The following JAZF1 variants were observed in gnomAD, a reference collection of about 807,000 sequenced individuals.
JAZF1 encodes JAZF zinc finger 1.
A neutral mutation model predicts 26.4 loss-of-function variants in JAZF1; 8 were observed. The ratio of observed to expected loss-of-function variants is 0.30; its 90% CI spans 0.18 to 0.55. The LOEUF (loss-of-function observed/expected upper bound fraction) is 0.55, where lower values mean the gene tolerates loss of function less well. JAZF1 is among the 20% of genes least tolerant of loss of function. JAZF1 has a pLI of 0.94. For missense variants in JAZF1, 199 were observed against 322.0 expected (o/e 0.62, Z 2.92); for synonymous variants, 126 against 122.3 (o/e 1.03, Z -0.20).
At chr7:27,890,386 G>A (rs943299711) in intron 3 of JAZF1, among the ~76,000 whole-genome samples, 2 of 152,180 alleles carry the variant, frequency 1.3e-5, no homozygotes, top group African/African-American at 4.8e-5. Context: ...CTGTTTGAAT[G>A]GTAGAGCTGT....
intron 1 of JAZF1, among the ~76,000 whole-genome samples, chr7:28,040,341 A>G (rs1417261193): frequency 6.6e-6 from 1 of 152,240 alleles, no homozygotes; most frequent in African/African-American, 2.4e-5. Context: ...GTTCTTGTGC[A>G]GTTTACAATC....
At chr7:27,839,328 G>A (rs572610176) in intron 4 of JAZF1, among the ~76,000 whole-genome samples, 1 of 152,320 alleles carries the variant, frequency 6.6e-6, no homozygotes, top group African/African-American at 2.4e-5. Context: ...GAGACGCGGT[G>A]GGAACCAGCC....
chr7:27,876,351 A>G (rs1783679520), intron 3 of JAZF1, among the ~76,000 whole-genome samples: 1 of 152,152 alleles, frequency 6.6e-6, no homozygotes, highest in South Asian at 2.1e-4. Context: ...ACTGGACTCT[A>G]GAATAGCTTT....
At chr7:28,115,491 C>T (rs572682605) in intron 1 of JAZF1, among the ~76,000 whole-genome samples, 103 of 152,156 alleles carry the variant, frequency 6.8e-4, no homozygotes, top group Non-Finnish European at 1.2e-3. Context: ...AGATAAACCA[C>T]TACAGCTAAT....
intron 3 of JAZF1, chr7:27,841,211 G>A (rs1051547421): frequency 1.3e-5 from 3 of 231,898 alleles, no homozygotes; most frequent in African/African-American, 2.3e-5. Context: ...AATAAGCAAC[G>A]ATGACAGGCT....
rs528540943 is a variant in JAZF1, at chr7:27,961,137, C to T, written c.188+30772G>A. ...GGCACTGTTCTAACTGTTTTACAAACATTAACTTATTTAGTACTTATAACA... is the reference window on the plus strand; with the variant it reads ...GGCACTGTTCTAACTGTTTTACAAATATTAACTTATTTAGTACTTATAACA... On this transcript the variant is annotated intron_variant, in intron 2 of 4. Coordinates refer to ENST00000283928, the MANE Select transcript of JAZF1 (RefSeq NM_175061.4). Among the ~76,000 whole-genome samples, 50 of 152,332 alleles carry T rather than the reference C, an allele frequency of 3.3e-4. No homozygotes were observed. The South Asian group carries it at 9.9e-3, about 30-fold the overall frequency.
intron 1 of JAZF1, among the ~76,000 whole-genome samples, chr7:28,022,628 T>C (rs1210167965): frequency 2.0e-5 from 3 of 152,246 alleles, no homozygotes; most frequent in African/African-American, 7.2e-5. Context: ...GTTCAGGCTG[T>C]GCATTTTACT....
intron 3 of JAZF1, among the ~76,000 whole-genome samples, chr7:27,845,775 G>A (rs2128332644): frequency 6.6e-6 from 1 of 151,636 alleles, no homozygotes; most frequent in African/African-American, 2.4e-5. Context: ...CAGTCACACA[G>A]CGGTCTGCAG....
At chr7:28,038,059 A>G (rs980852323) in intron 1 of JAZF1, among the ~76,000 whole-genome samples, 1 of 152,246 alleles carries the variant, frequency 6.6e-6, no homozygotes, top group East Asian at 1.9e-4. Flanking sequence ...CAGAGAATGC[A>G]TGAAACTCAG....
chr7:27,922,990 A>G (rs976113893), intron 2 of JAZF1, among the ~76,000 whole-genome samples: 1 of 152,236 alleles, frequency 6.6e-6, no homozygotes, highest in African/African-American at 2.4e-5. Flanking sequence ...TAATCATTTA[A>G]CAGGGTCTCT....
intron 2 of JAZF1, among the ~76,000 whole-genome samples, chr7:27,975,431 G>T (rs1583488492): frequency 6.6e-6 from 1 of 152,234 alleles, no homozygotes; most frequent in African/African-American, 2.4e-5. Flanking sequence ...CATGAGATTT[G>T]GAGTAGACAT....
intron 2 of JAZF1, among the ~76,000 whole-genome samples, chr7:27,960,649 T>C (rs551438835): frequency 1.3e-5 from 2 of 152,152 alleles, no homozygotes; most frequent in Non-Finnish European, 2.9e-5. Context: ...AATTGAGGGG[T>C]TGGCACATCA....
chr7:28,158,354 C>A (rs368874008), intron 1 of JAZF1, among the ~76,000 whole-genome samples: 1 of 152,226 alleles, frequency 6.6e-6, no homozygotes, highest in African/African-American at 2.4e-5. Flanking sequence ...TTCCAGTAAG[C>A]CCTTTTGGCC....
At chr7:28,104,534 T>G (rs1216739574) in intron 1 of JAZF1, among the ~76,000 whole-genome samples, 2 of 152,218 alleles carry the variant, frequency 1.3e-5, no homozygotes, top group African/African-American at 4.8e-5. Flanking sequence ...ACTTAATAAT[T>G]TGTCACTTAG....
intron 2 of JAZF1, among the ~76,000 whole-genome samples, chr7:27,950,606 A>G (rs908407324): frequency 9.2e-5 from 14 of 152,198 alleles, no homozygotes; most frequent in Admixed American, 2.0e-4. Flanking sequence ...ATAACTGAAG[A>G]ACCAAATGTC....
chr7:27,968,077 TGTG>T (rs1195725454), intron 2 of JAZF1, among the ~76,000 whole-genome samples: 1 of 152,222 alleles, frequency 6.6e-6, no homozygotes, highest in East Asian at 1.9e-4. Context: ...AATAAATAAT[TGTG>T]GTAATTCATA....
chr7:28,008,260 C>T (rs776964857), intron 1 of JAZF1, among the ~76,000 whole-genome samples: 9 of 151,872 alleles, frequency 5.9e-5, no homozygotes, highest in African/African-American at 1.2e-4. Context: ...TCTGTTGCCC[C>T]GGCTGCAGTA....
chr7:28,122,625 T>G (rs1179156033), intron 1 of JAZF1, among the ~76,000 whole-genome samples: 1 of 152,148 alleles, frequency 6.6e-6, no homozygotes, highest in Non-Finnish European at 1.5e-5. Context: ...CAATGCGGCC[T>G]GCCTTCCATC....
intron 1 of JAZF1, 84 bp downstream of exon 1, chr7:28,180,379 G>T: frequency 9.5e-7 from 1 of 1,052,740 alleles, no homozygotes; most frequent in Non-Finnish European, 1.4e-6. Context: ...CTCCCCGCCG[G>T]CCACCCCTGG....
Sources: gnomAD v4.1 joint callset for allele counts (sites outside exome capture counted in the v4.1 genomes callset) on GRCh38, gnomAD v4.1.1 for gene constraint, MANE v1.5 for transcripts, NCBI Gene and HGNC (gene_info 2026-07-23, HGNC 2026-07-21) for gene names.